The following FAM53B variants were observed in gnomAD, a reference collection of about 807,000 sequenced individuals.
FAM53B encodes protein FAM53B.
In FAM53B, 12 loss-of-function variants were observed where a neutral mutation model predicts 32.7. The ratio of observed to expected loss-of-function variants is 0.37; its 90% CI spans 0.24 to 0.59. The LOEUF (loss-of-function observed/expected upper bound fraction) is 0.59. FAM53B is among the 20% of genes least tolerant of loss of function. The probability of loss-of-function intolerance (pLI) is 0.72; values close to 1 mark genes in which losing one functional copy is unlikely to be tolerated. For missense variants in FAM53B, 477 were observed against 577.7 expected, an observed-to-expected ratio of 0.83 and a Z score of 1.79; for synonymous variants, 234 against 228.7, an observed-to-expected ratio of 1.02 and a Z score of -0.21.
intron 4 of FAM53B, among the ~76,000 whole-genome samples, chr10:124,679,238 G>A (rs75897021): frequency 6.6e-6 from 1 of 152,226 alleles, no homozygotes; most frequent in East Asian, 1.9e-4. Context: ...ATGCAGAGCA[G>A]ACCCCAACCC....
At chr10:124,650,068 C>A (rs776726740) in intron 4 of FAM53B, among the ~76,000 whole-genome samples, 3 of 152,156 alleles carry the variant, frequency 2.0e-5, no homozygotes, top group Non-Finnish European at 4.4e-5. Flanking sequence ...CATAACAAGA[C>A]AAGCTGGCGA....
intron 4 of FAM53B, among the ~76,000 whole-genome samples, chr10:124,640,912 C>T (rs1949466940): frequency 6.6e-6 from 1 of 152,256 alleles, no homozygotes; most frequent in Admixed American, 6.5e-5. Context: ...AGAGGGCACG[C>T]CCCGCTGACC....
chr10:124,739,884 G>A (rs1311198049), intron 1 of FAM53B, among the ~76,000 whole-genome samples: 1 of 151,862 alleles, frequency 6.6e-6, no homozygotes, highest in Admixed American at 6.6e-5. Context: ...TTATTTTCTC[G>A]GGTTCCTAAG....
intron 1 of FAM53B, among the ~76,000 whole-genome samples, chr10:124,715,070 C>A (rs1377873570): frequency 2.0e-5 from 3 of 152,236 alleles, no homozygotes; most frequent in African/African-American, 7.2e-5. Context: ...TACTCCAAGA[C>A]CTGTAAGTTT....
intron 1 of FAM53B, among the ~76,000 whole-genome samples, chr10:124,732,794 C>A (rs1010668879): frequency 5.9e-5 from 9 of 151,420 alleles, no homozygotes; most frequent in African/African-American, 2.2e-4. Context: ...GCCACTGCTG[C>A]ACTCCAGCCT....
intron 4 of FAM53B, among the ~76,000 whole-genome samples, chr10:124,681,396 T>C (rs1465730993): frequency 6.6e-6 from 1 of 152,122 alleles, no homozygotes; most frequent in Non-Finnish European, 1.5e-5. Flanking sequence ...GAGCTCACAG[T>C]GAAAGGGAAT....
At position 124,626,820 on chromosome 10, in the gene FAM53B, C is replaced by T. The variant is rs557932738; in HGVS notation, c.907-3216G>A. 5.9e-5 allele frequency among the ~76,000 whole-genome samples: 9 copies of T among 152,366 alleles called. No individual in the cohort carries two copies. The East Asian group carries it at 1.7e-3, about 29-fold the overall frequency. ...TGAGGTCAGACAGGCAATACAGAGG[C>T]AGACTCCATCCACATGGGCATCACG... On this transcript the variant is annotated intron_variant, in intron 4 of 4. Coordinates refer to ENST00000337318, the MANE Select transcript of FAM53B (RefSeq NM_014661.4).
At chr10:124,699,844 T>C (rs972515705) in intron 2 of FAM53B, among the ~76,000 whole-genome samples, 3 of 152,218 alleles carry the variant, frequency 2.0e-5, no homozygotes, top group Non-Finnish European at 2.9e-5. Context: ...AGCCTGCCCG[T>C]GAGCACCTGC....
chr10:124,674,153 A>G (rs1038741649), intron 4 of FAM53B, among the ~76,000 whole-genome samples: 1 of 152,104 alleles, frequency 6.6e-6, no homozygotes, highest in African/African-American at 2.4e-5. Context: ...CCGCTCAACA[A>G]CTCAGCTGCG....
At chr10:124,707,583 C>CA (rs1192080278) in intron 1 of FAM53B, among the ~76,000 whole-genome samples, 1 of 152,118 alleles carries the variant, frequency 6.6e-6, no homozygotes, top group African/African-American at 2.4e-5. Context: ...ACTAAAAATA[C>CA]AAAAAATTAG....
At chr10:124,675,829 T>C (rs1486076253) in intron 4 of FAM53B, among the ~76,000 whole-genome samples, 2 of 152,352 alleles carry the variant, frequency 1.3e-5, no homozygotes, top group Admixed American at 6.5e-5. Flanking sequence ...CCATGTGACT[T>C]TGGGCAAGGC....
At chr10:124,632,462 C>G (rs764683827) in intron 4 of FAM53B, among the ~76,000 whole-genome samples, 3 of 152,246 alleles carry the variant, frequency 2.0e-5, no homozygotes, top group African/African-American at 2.4e-5. Context: ...GCCCACAGAC[C>G]TTGAATAGAG....
At chr10:124,625,755 T>C (rs1480468542) in intron 4 of FAM53B, among the ~76,000 whole-genome samples, 2 of 152,132 alleles carry the variant, frequency 1.3e-5, no homozygotes, top group East Asian at 1.9e-4. Context: ...GAGAACTGAG[T>C]AGGGGGCACA....
chr10:124,689,255 G>C (rs956471443), intron 3 of FAM53B, among the ~76,000 whole-genome samples: 3 of 152,112 alleles, frequency 2.0e-5, no homozygotes, highest in Non-Finnish European at 4.4e-5. Flanking sequence ...CTGATCTTAC[G>C]AAAAGAACAT....
At chr10:124,639,065 AC>A (rs529764143) in intron 4 of FAM53B, among the ~76,000 whole-genome samples, 164 of 152,224 alleles carry the variant, frequency 1.1e-3, no homozygotes, top group Non-Finnish European at 1.7e-3. Context: ...CCCCAGACTT[AC>A]CCACCAGGGA....
At position 124,621,055 on chromosome 10, in the gene FAM53B, T is replaced by C. The variant is rs1949307634; in HGVS notation, c.*2187A>G. ...ACCCACACCCCAGTCCCACGACATA[T>C]ACCTGTCACCATGTGCCTCCCACCC... On this transcript the variant is annotated 3_prime_UTR_variant, in exon 5 of 5. Transcript: ENST00000337318. 1.3e-5 allele frequency: 2 copies of C among 152,206 alleles called. No homozygotes were observed. The highest frequency in any genetic ancestry group is 4.8e-5 in the African/African-American group (2 of 41,438). The allele number at this position is 152,206 out of a possible 1,614,324, so 9.4% of individuals were successfully genotyped here.
intron 4 of FAM53B, among the ~76,000 whole-genome samples, chr10:124,647,994 G>C (rs1225873525): frequency 3.9e-5 from 6 of 152,220 alleles, no homozygotes; most frequent in Non-Finnish European, 8.8e-5. Flanking sequence ...CACGGGGAGA[G>C]TCAACAGGAA....
chr10:124,679,041 G>C (rs553760776), intron 4 of FAM53B, among the ~76,000 whole-genome samples: 1 of 152,178 alleles, frequency 6.6e-6, no homozygotes, highest in East Asian at 1.9e-4. Context: ...ACCCACACAC[G>C]AAGGGCGCCT....
At chr10:124,696,538 A>G (rs1435602224) in intron 2 of FAM53B, among the ~76,000 whole-genome samples, 1 of 152,166 alleles carries the variant, frequency 6.6e-6, no homozygotes, top group East Asian at 1.9e-4. Flanking sequence ...GATGGTAAAC[A>G]GTGGAACAAG....
Sources: allele counts gnomAD v4.1 joint callset (sites outside exome capture counted in the v4.1 genomes callset), GRCh38; gene constraint gnomAD v4.1.1; transcripts MANE v1.5; gene names NCBI Gene and HGNC (gene_info 2026-07-23, HGNC 2026-07-21).